Variants in PPIC observed in about 807,000 individuals in gnomAD.
The protein encoded by PPIC is peptidyl-prolyl cis-trans isomerase C.
PPIC carries 19 observed loss-of-function variants against 19.5 expected under a neutral mutation model. The ratio of observed to expected loss-of-function variants is 0.98; its 90% CI spans 0.68 to 1.43. PPIC has a LOEUF of 1.43. Ranked by LOEUF, PPIC falls within the 40% of genes most tolerant of loss-of-function variation. PPIC has a pLI of 0.00. For synonymous variants in PPIC, 107 were observed against 101.2 expected (o/e 1.06, Z -0.34); for missense variants, 268 against 268.6 (o/e 1.00, Z 0.02).
chr5:123,023,973 T>C lies in PPIC; in HGVS notation c.541A>G (p.Thr181Ala). ...GTGAGTGGACGGTCATGCCCATCAG[T>C]TGCTTGGAGCTCTATGGAGTGCACC... ...TVVHSIELQA[T>A]DGHDRPLTNC... Residue 181 changes from threonine to alanine, a missense_variant, in exon 5 of 5, where the codon ACT becomes GCT. Transcript: ENST00000306442. 2 of 1,614,032 alleles carry C rather than the reference T, an allele frequency of 1.2e-6. No individual in the cohort carries two copies. The highest frequency in any genetic ancestry group is 2.2e-5 in the South Asian group (2 of 91,038).
chr5:123,027,803 TAAATC>T (rs953043906), intron 3 of PPIC, among the ~76,000 whole-genome samples: 1 of 152,222 alleles, frequency 6.6e-6, no homozygotes, highest in Non-Finnish European at 1.5e-5. Context: ...TTAAAAATCT[TAAATC>T]TAAAGTAAAT....
At chr5:123,025,051 G>A (rs1396552716) in intron 4 of PPIC, among the ~76,000 whole-genome samples, 1 of 152,224 alleles carries the variant, frequency 6.6e-6, no homozygotes, top group African/African-American at 2.4e-5. Context: ...ATTTTTGGAT[G>A]CGTGTCTCTG....
chr5:123,031,901 ACT>A (rs1206990341), intron 1 of PPIC, among the ~76,000 whole-genome samples: 1 of 151,950 alleles, frequency 6.6e-6, no homozygotes, highest in African/African-American at 2.4e-5. Flanking sequence ...GGTTCAAGTG[ACT>A]CTTGTGCCTC....
Position 123,036,405 on chromosome 5 carries a change from G to A in PPIC, c.117+104C>T. On this transcript the variant is annotated intron_variant, in intron 1 of 4. Transcript: ENST00000306442. This position sits in a 1 kb window ranked among gnomAD's most constrained non-coding sequence, Gnocchi z 4.5. ...CCGCCTCCAGTCCCCCTGCGCCCGG[G>A]AAGCCTCCACCTCGCCCGCCCTGAC... 9.3e-7 allele frequency: 1 copy of A among 1,081,080 alleles called. No homozygotes were observed. Among genetic ancestry groups the A allele is most frequent in the Non-Finnish European group, 1.4e-6 (1 of 733,726 alleles). 67.0% of individuals were successfully genotyped at this position (1,081,080 alleles called of 1,614,324 possible). A position where few individuals can be genotyped will look rare whatever the true frequency, so the allele number is the denominator to read the frequency against.
intron 1 of PPIC, among the ~76,000 whole-genome samples, chr5:123,034,515 A>G (rs1263351733): frequency 6.6e-6 from 1 of 152,090 alleles, no homozygotes; most frequent in Non-Finnish European, 1.5e-5. Flanking sequence ...AATCACCAAA[A>G]GCTTCTAAAA....
chr5:123,036,724 G>A lies in PPIC; in HGVS notation c.-99C>T. 1 of 1,036,860 alleles carries A rather than the reference G, an allele frequency of 9.6e-7. No homozygotes were observed. Among genetic ancestry groups the A allele is most frequent in the Non-Finnish European group, 1.4e-6 (1 of 721,724 alleles). 64.2% of individuals were successfully genotyped at this position (1,036,860 alleles called of 1,614,324 possible). A position where few individuals can be genotyped will look rare whatever the true frequency, so the allele number is the denominator to read the frequency against. Reference sequence around the variant, plus strand: ...ACGGGACTGCCGGCCGGCTGCGCCTGCGCGCTCCCGGTTGCGGGGGATGGG... The same window carrying A: ...ACGGGACTGCCGGCCGGCTGCGCCTACGCGCTCCCGGTTGCGGGGGATGGG... On this transcript the variant is annotated 5_prime_UTR_variant, in exon 1 of 5. Coordinates refer to ENST00000306442, the MANE Select transcript of PPIC (RefSeq NM_000943.5). This position sits in a 1 kb window ranked among gnomAD's most constrained non-coding sequence, Gnocchi z 4.5.
At chr5:123,028,962 AAAC>A in intron 2 of PPIC, 94 bp from the exon 3 acceptor site, 1 of 1,114,348 alleles carries the variant, frequency 9.0e-7, no homozygotes, top group Non-Finnish European at 1.3e-6. Context: ...TGAGAAAATT[AAAC>A]AAAATGCCTA....
chr5:123,029,071 G>A, intron 2 of PPIC: 1 of 864,496 alleles, frequency 1.2e-6, no homozygotes, highest in Admixed American at 2.9e-5. Context: ...GTATTAATGT[G>A]AATAAGTTAA....
At chr5:123,034,040 G>A (rs1422991989) in intron 1 of PPIC, among the ~76,000 whole-genome samples, 2 of 152,188 alleles carry the variant, frequency 1.3e-5, no homozygotes, top group African/African-American at 4.8e-5. Context: ...TGCCACTAAT[G>A]GGCCATGTGG....
At chr5:123,035,939 C>T (rs958478506) in intron 1 of PPIC, among the ~76,000 whole-genome samples, 5 of 151,994 alleles carry the variant, frequency 3.3e-5, no homozygotes, top group Admixed American at 6.5e-5. Flanking sequence ...TGAAGGCGCA[C>T]CTCCCCTTCC....
At chr5:123,034,355 A>G (rs1001074038) in intron 1 of PPIC, among the ~76,000 whole-genome samples, 3 of 152,186 alleles carry the variant, frequency 2.0e-5, no homozygotes, top group African/African-American at 7.2e-5. Flanking sequence ...AACAATTCTG[A>G]GAGTAGGGTG....
chr5:123,036,625 TG>T lies in PPIC; in HGVS notation c.-1del. 6.3e-7 allele frequency: 1 copy of T among 1,579,834 alleles called. No individual in the cohort carries two copies. Among genetic ancestry groups the T allele is most frequent in the Non-Finnish European group, 8.6e-7 (1 of 1,164,404 alleles). On this transcript the variant is annotated 5_prime_UTR_variant, in exon 1 of 5. Coordinates refer to ENST00000306442, the MANE Select transcript of PPIC (RefSeq NM_000943.5). The surrounding 1 kb of genome is among the most constrained non-coding windows in gnomAD (Gnocchi z 4.5). ...AGCAGCAGCCGAGGACCCGGGCCCA[TG>T]GTGAGCGGTGGCAGCGGCGCTACCG...
chr5:123,032,929 T>C (rs1395597601), intron 1 of PPIC, among the ~76,000 whole-genome samples: 1 of 152,070 alleles, frequency 6.6e-6, no homozygotes, highest in African/African-American at 2.4e-5. Flanking sequence ...TTACTCGGCA[T>C]TGGAGATGGG....
rs1762788347 is a variant in PPIC at position 123,023,259 on chromosome 5, CTAAT to C, written c.*612_*615del. 2 of 152,312 alleles carry C rather than the reference CTAAT, an allele frequency of 1.3e-5. No homozygotes were observed. Among genetic ancestry groups the C allele is most frequent in the Non-Finnish European group, 1.5e-5 (1 of 68,020 alleles). The allele number at this position is 152,312 out of a possible 1,614,324, so 9.4% of individuals were successfully genotyped here. A position where few individuals can be genotyped will look rare whatever the true frequency, so the allele number is the denominator to read the frequency against. Reference sequence around the variant, plus strand: ...TGGATGGGCATAATTTCTGAGTTATCTAATTATGTTTGTAGTTTGATTTATAAAA... The same window carrying C: ...TGGATGGGCATAATTTCTGAGTTATCTATGTTTGTAGTTTGATTTATAAAA... On this transcript the variant is annotated 3_prime_UTR_variant, in exon 5 of 5. Transcript: ENST00000306442.
chr5:123,034,178 C>T lies in PPIC; in HGVS notation c.117+2331G>A, dbSNP rs45452894. On this transcript the variant is annotated intron_variant, in intron 1 of 4. Coordinates refer to ENST00000306442, the MANE Select transcript of PPIC (RefSeq NM_000943.5). The stretch of plus-strand genomic sequence containing the variant: ...TGGCCAATTAATGTACTTGTCTGCA[C>T]TCAGAGAAATTATTTTTAACGTCAT... Among the ~76,000 whole-genome samples, 1,013 of 152,316 alleles carry T rather than the reference C, an allele frequency of 6.7e-3. 9 individuals are homozygous for T. The highest frequency in any genetic ancestry group is 0.031 in the Middle Eastern group (9 of 294).
rs780987113 is a variant in PPIC, at chr5:123,029,312, G to A, written c.224C>T (p.Thr75Ile). The A allele has an allele frequency of 7.5e-5, 121 of 1,613,950 alleles. No homozygotes were observed. Among genetic ancestry groups the A allele is most frequent in the Non-Finnish European group, 9.6e-5 (113 of 1,179,968 alleles). ...AATAAAATTGAGACATACCTCTCCT[G>A]TTGCTAGAGCAACAAAATTTTCCAC... ...KTVENFVALA[T>I]GEKGYGYKGS... The change falls in exon 2 of 5, where the codon ACA becomes ATA. Residue 75 changes from threonine (T) to isoleucine (I), a missense_variant. Transcript: ENST00000306442.
chr5:123,036,608 C>T lies in PPIC; in HGVS notation c.18G>A (p.Arg6=). 1.3e-6 allele frequency: 2 copies of T among 1,591,328 alleles called. No homozygotes were observed. The highest frequency in any genetic ancestry group is 1.7e-6 in the Non-Finnish European group (2 of 1,170,486). ...CGCAAAGCACGAGAGGTAGCAGCAG[C>T]CGAGGACCCGGGCCCATGGTGAGCG... MGPGP[R]LLLPLVLCVG... The change falls in exon 1 of 5, where the codon CGG becomes CGA. Residue 6 remains arginine, a synonymous_variant. Coordinates refer to ENST00000306442, the MANE Select transcript of PPIC (RefSeq NM_000943.5). The surrounding 1 kb of genome is among the most constrained non-coding windows in gnomAD (Gnocchi z 4.5).
chr5:123,025,832 G>T lies in PPIC; in HGVS notation c.462C>A (p.Thr154=). The change falls in exon 4 of 5, where the codon ACC becomes ACA. Residue 154 remains threonine, a synonymous_variant. Transcript: ENST00000306442. ...ACACCACATGTTTGCCGTCCAACCA[G>T]GTGGGCTTGGTCAAGGTGATAAAGA... The part of the protein sequence containing the change: ...SQFFITLTKP[T]WLDGKHVVFG... 3 of 1,614,048 alleles carry T rather than the reference G, an allele frequency of 1.9e-6. No homozygotes were observed. Among genetic ancestry groups the T allele is most frequent in the South Asian group, 1.1e-5 (1 of 91,004 alleles).
chr5:123,029,931 A>T (rs1195398840), intron 1 of PPIC, among the ~76,000 whole-genome samples: 1 of 152,234 alleles, frequency 6.6e-6, no homozygotes, highest in African/African-American at 2.4e-5. Flanking sequence ...TGAGTTCTCA[A>T]TAGATGTCTG....
Sources: gnomAD v4.1 joint callset for allele counts (sites outside exome capture counted in the v4.1 genomes callset) on GRCh38, gnomAD v4.1.1 for gene constraint, Gnocchi (gnomAD v3.1) non-coding constraint, MANE v1.5 for transcripts, NCBI Gene and HGNC (gene_info 2026-07-23, HGNC 2026-07-21) for gene names.